CLVS1: variants seen among roughly 807,000 people sequenced by gnomAD.
CLVS1 encodes the protein clavesin 1, also known as clavesin-1.
In CLVS1, 10 loss-of-function variants were observed where a neutral mutation model predicts 33.1. The observed-to-expected ratio is 0.30, with a 90% CI of 0.19 to 0.51. CLVS1 has a LOEUF of 0.51. CLVS1 is among the 20% of genes least tolerant of loss of function. CLVS1 has a pLI of 0.97. For synonymous variants in CLVS1, 163 were observed against 166.1 expected (o/e 0.98, Z 0.14); for missense variants, 343 against 433.4 (o/e 0.79, Z 1.85).
intron 3 of CLVS1, among the ~76,000 whole-genome samples, chr8:61,415,583 T>G (rs1822032): frequency 0.45 from 67,879 of 152,076 alleles, 19,107 homozygotes; most frequent in African/African-American, 0.81. Flanking sequence ...CATCAAAAAT[T>G]CCTGGGCAAC....
At chr8:61,354,154 A>G (rs779753372) in intron 2 of CLVS1, among the ~76,000 whole-genome samples, 1 of 152,104 alleles carries the variant, frequency 6.6e-6, no homozygotes. Context: ...AATTTTACAA[A>G]TATTTTAAGA....
upstream of CLVS1, among the ~76,000 whole-genome samples, chr8:61,284,381 C>T (rs1261942704): frequency 6.6e-6 from 1 of 152,168 alleles, no homozygotes; most frequent in Non-Finnish European, 1.5e-5. Context: ...TGAATGTTCT[C>T]ATCACAAAGG....
chr8:61,085,217 C>T (rs1170237004), intron 1 of CLVS1, among the ~76,000 whole-genome samples: 1 of 152,224 alleles, frequency 6.6e-6, no homozygotes, highest in Non-Finnish European at 1.5e-5. Flanking sequence ...GTATACTATC[C>T]GGAGGCTGAA....
chr8:61,342,834 T>C (rs1812072541), intron 2 of CLVS1, among the ~76,000 whole-genome samples: 1 of 152,198 alleles, frequency 6.6e-6, no homozygotes, highest in Non-Finnish European at 1.5e-5. Flanking sequence ...CAAGCCATAA[T>C]GTAATTATAA....
chr8:61,021,726 T>A, the CLVS1 span, among the ~76,000 whole-genome samples: 3 of 152,158 alleles, frequency 2.0e-5, no homozygotes, highest in Non-Finnish European at 4.4e-5. Flanking sequence ...TTAAAAATAA[T>A]TTTACCTTTT....
the CLVS1 span, among the ~76,000 whole-genome samples, chr8:61,047,158 A>T: frequency 0.2 from 29,684 of 152,050 alleles, 3,938 homozygotes; most frequent in African/African-American, 0.38. Context: ...ACATGAACAG[A>T]CACTTCTCAA....
At chr8:61,222,379 G>T (rs188575024) in intron 2 of CLVS1, among the ~76,000 whole-genome samples, 33 of 152,096 alleles carry the variant, frequency 2.2e-4, no homozygotes, top group Admixed American at 6.5e-4. Flanking sequence ...CTGGTATGTT[G>T]TCTCTTTTTT....
At chr8:61,171,575 C>T (rs971074648) in intron 2 of CLVS1, among the ~76,000 whole-genome samples, 5 of 152,154 alleles carry the variant, frequency 3.3e-5, no homozygotes, top group African/African-American at 4.8e-5. Context: ...CATATGGCTT[C>T]GCTGACAGTA....
At chr8:61,408,845 A>G (rs555459663) in intron 3 of CLVS1, among the ~76,000 whole-genome samples, 21 of 152,282 alleles carry the variant, frequency 1.4e-4, no homozygotes, top group Middle Eastern at 3.4e-3. Flanking sequence ...CTATAGAGTA[A>G]AACACTCAGT....
intron 2 of CLVS1, among the ~76,000 whole-genome samples, chr8:61,282,206 A>G (rs932383557): frequency 1.3e-5 from 2 of 152,258 alleles, no homozygotes; most frequent in Non-Finnish European, 2.9e-5. Flanking sequence ...AATGCAACAT[A>G]CAAAAAGAAT....
chr8:61,463,023 G>C (rs1260291147), intron 5 of CLVS1, among the ~76,000 whole-genome samples: 2 of 152,180 alleles, frequency 1.3e-5, no homozygotes, highest in East Asian at 3.9e-4. Context: ...AGTGTAGCCA[G>C]CTTCATCAAT....
chr8:61,421,644 C>T (rs888638633), intron 3 of CLVS1, among the ~76,000 whole-genome samples: 10 of 152,200 alleles, frequency 6.6e-5, no homozygotes, highest in South Asian at 2.1e-4. Context: ...TCAACTCTGC[C>T]GGATGTGGTG....
At chr8:61,494,353 C>T (rs560622727) in intron 5 of CLVS1, among the ~76,000 whole-genome samples, 22 of 152,072 alleles carry the variant, frequency 1.4e-4, no homozygotes, top group South Asian at 8.3e-4. Context: ...GCTATCTAGG[C>T]TAGAATGAAG....
At chr8:61,081,939 G>T (rs28727432) in intron 1 of CLVS1, among the ~76,000 whole-genome samples, 6,126 of 152,198 alleles carry the variant, frequency 0.04, 407 homozygotes, top group African/African-American at 0.14. Context: ...CATACTAAAC[G>T]ACAAAAGCAC....
intron 2 of CLVS1, among the ~76,000 whole-genome samples, chr8:61,185,596 T>A (rs1014663479): frequency 6.6e-6 from 1 of 152,182 alleles, no homozygotes; most frequent in African/African-American, 2.4e-5. Context: ...AAATAAACTT[T>A]ATGTATATTT....
intron 1 of CLVS1, among the ~76,000 whole-genome samples, chr8:61,091,122 C>T (rs1018887400): frequency 6.6e-6 from 1 of 152,094 alleles, no homozygotes; most frequent in African/African-American, 2.4e-5. Flanking sequence ...TCGAGGTGGG[C>T]CTGAGGTAAT....
At chr8:61,337,375 T>C (rs1811844555) in intron 2 of CLVS1, among the ~76,000 whole-genome samples, 1 of 152,182 alleles carries the variant, frequency 6.6e-6, no homozygotes, top group South Asian at 2.1e-4. Context: ...ATATTTACCC[T>C]ATAATTGCCC....
chr8:61,296,254 A>G (rs1810206036), intron 1 of CLVS1, among the ~76,000 whole-genome samples: 2 of 152,228 alleles, frequency 1.3e-5, no homozygotes, highest in African/African-American at 2.4e-5. Context: ...TCTCCCCAGA[A>G]GCTTCTACTG....
chr8:61,079,606 T>A (rs1804985475), intron 1 of CLVS1, among the ~76,000 whole-genome samples: 1 of 152,200 alleles, frequency 6.6e-6, no homozygotes, highest in African/African-American at 2.4e-5. Flanking sequence ...TACCTGTGAC[T>A]TTCAGCGTGC....
Sources: allele counts gnomAD v4.1 joint callset (sites outside exome capture counted in the v4.1 genomes callset), GRCh38; gene constraint gnomAD v4.1.1; transcripts MANE v1.5; gene names NCBI Gene and HGNC (gene_info 2026-07-23, HGNC 2026-07-21).